SMYD3: variants seen among roughly 807,000 people sequenced by gnomAD.
SMYD3 encodes the protein SET and MYND domain containing 3.
Under a neutral mutation model 57.7 loss-of-function variants are expected in SMYD3, and 36 were observed. That is an observed-to-expected ratio of 0.62 (90% confidence interval 0.48 to 0.82). SMYD3 has a LOEUF of 0.82. Among genes scored for constraint, SMYD3 ranks in the 40% least tolerant of loss-of-function variants. The pLI is 0.00. For missense variants in SMYD3, 515 were observed against 538.8 expected (o/e 0.96, Z 0.44); for synonymous variants, 211 against 195.0 (o/e 1.08, Z -0.68).
chr1:246,170,040 C>A (rs1434817203), intron 5 of SMYD3, among the ~76,000 whole-genome samples: 1 of 151,988 alleles, frequency 6.6e-6, no homozygotes, highest in African/African-American at 2.4e-5. Context: ...AATTCTGAGT[C>A]TGCATCGTTC....
chr1:246,481,593 C>CATATATATATATATAT (rs1200097586), intron 1 of SMYD3, among the ~76,000 whole-genome samples: 1,795 of 27,876 alleles, frequency 0.064, 240 homozygotes, highest in Middle Eastern at 0.12. Flanking sequence ...TCTCAGGCTC[C>CATATATATATATATAT]ATATATATAT....
intron 5 of SMYD3, among the ~76,000 whole-genome samples, chr1:246,218,464 A>C (rs1267195303): frequency 1.3e-5 from 2 of 152,154 alleles, no homozygotes; most frequent in African/African-American, 2.4e-5. Flanking sequence ...TCTACTAAAA[A>C]TACAAAAAAT....
chr1:246,487,730 T>C (rs1216229295), intron 1 of SMYD3, among the ~76,000 whole-genome samples: 1 of 151,554 alleles, frequency 6.6e-6, no homozygotes, highest in Non-Finnish European at 1.5e-5. Context: ...GTTTCACTCT[T>C]GTTGCCCAGG....
intron 1 of SMYD3, among the ~76,000 whole-genome samples, chr1:246,445,562 A>G (rs1297241976): frequency 2.0e-5 from 3 of 152,226 alleles, no homozygotes; most frequent in Admixed American, 1.3e-4. Context: ...GAATTTCTAA[A>G]TGCATTTAAG....
At chr1:245,782,933 C>G (rs909494121) in intron 10 of SMYD3, among the ~76,000 whole-genome samples, 7 of 152,200 alleles carry the variant, frequency 4.6e-5, no homozygotes, top group Admixed American at 6.5e-5. Context: ...GGACCCTTCA[C>G]ACTGTCAGAA....
intron 8 of SMYD3, among the ~76,000 whole-genome samples, chr1:245,864,124 C>T (rs182710413): frequency 3.6e-4 from 55 of 152,252 alleles, no homozygotes; most frequent in Non-Finnish European, 6.3e-4. Flanking sequence ...TGCAGAGAAA[C>T]GGAAACCCTC....
chr1:246,460,306 G>C (rs1439313783), intron 1 of SMYD3, among the ~76,000 whole-genome samples: 2 of 152,148 alleles, frequency 1.3e-5, no homozygotes. Flanking sequence ...ACCTGCTCTA[G>C]CACTTAGTAA....
intron 5 of SMYD3, among the ~76,000 whole-genome samples, chr1:246,000,105 A>G (rs1489401513): frequency 2.0e-5 from 3 of 152,232 alleles, no homozygotes; most frequent in Non-Finnish European, 4.4e-5. Context: ...TCTCTTGCCT[A>G]GTTTCTCAGA....
rs550080571 is a variant in SMYD3 at position 246,271,155 on chromosome 1, T to C, written c.531+56046A>G. Among the ~76,000 whole-genome samples, 6 of 152,306 alleles carry C rather than the reference T, an allele frequency of 3.9e-5. No homozygotes were observed. In the East Asian group the frequency reaches 1.2e-3, roughly 29 times the overall value. On this transcript the variant is annotated intron_variant, in intron 5 of 11. Coordinates refer to ENST00000490107, the MANE Select transcript of SMYD3 (RefSeq NM_001167740.2). ...GTCCTTTGCCCATTTTAAAATCATG[T>C]TGCTTTTCTATTGTTGAGTTCTTAA...
Position 246,424,025 on chromosome 1 carries a change from G to A in SMYD3, c.165-68931C>T, listed in dbSNP as rs575248346. On this transcript the variant is annotated intron_variant, in intron 1 of 11. Coordinates refer to ENST00000490107, the MANE Select transcript of SMYD3 (RefSeq NM_001167740.2). Reference sequence around the variant, plus strand: ...CAAATGCAAGAAGAATTGGGTACCAGCAGACCTAAAGCTAGAAATTTTTAA... The same window carrying A: ...CAAATGCAAGAAGAATTGGGTACCAACAGACCTAAAGCTAGAAATTTTTAA... Among the ~76,000 whole-genome samples, 103 of 152,294 alleles carry A rather than the reference G, an allele frequency of 6.8e-4. 1 individual carries two copies. The highest frequency in any genetic ancestry group is 2.5e-3 in the African/African-American group (102 of 41,568).
chr1:246,207,191 G>C (rs1240705878), intron 5 of SMYD3, among the ~76,000 whole-genome samples: 1 of 152,096 alleles, frequency 6.6e-6, no homozygotes, highest in Non-Finnish European at 1.5e-5. Flanking sequence ...TCTATGAATA[G>C]GCTGTACCAC....
chr1:246,347,932 C>T (rs1228317709), intron 2 of SMYD3, among the ~76,000 whole-genome samples: 1 of 151,530 alleles, frequency 6.6e-6, no homozygotes, highest in African/African-American at 2.4e-5. Flanking sequence ...GGTATATACC[C>T]AAAGGAAGAT....
chr1:246,034,300 C>T (rs10924456), intron 5 of SMYD3, among the ~76,000 whole-genome samples: 69,559 of 151,952 alleles, frequency 0.46, 18,037 homozygotes, highest in East Asian at 0.96. Flanking sequence ...TATTATTTCA[C>T]GCTAAATAAC....
chr1:246,335,266 C>A, intron 3 of SMYD3, 101 bp downstream of exon 3: 2 of 1,060,778 alleles, frequency 1.9e-6, no homozygotes, highest in Non-Finnish European at 2.8e-6. Flanking sequence ...TTGTGGTAGT[C>A]TGAAACTGAA....
At chr1:245,851,443 T>C (rs1422787781) in intron 10 of SMYD3, among the ~76,000 whole-genome samples, 2 of 152,190 alleles carry the variant, frequency 1.3e-5, no homozygotes, top group Non-Finnish European at 2.9e-5. Flanking sequence ...GAGAATCAGG[T>C]AGAGAAGATG....
At chr1:246,465,514 G>C (rs1415796789) in intron 1 of SMYD3, among the ~76,000 whole-genome samples, 2 of 152,142 alleles carry the variant, frequency 1.3e-5, no homozygotes, top group African/African-American at 4.8e-5. Context: ...GAAGGAAGTT[G>C]AAAAGTTCAG....
intron 5 of SMYD3, among the ~76,000 whole-genome samples, chr1:246,277,471 C>CA (rs2064356852): frequency 6.6e-6 from 1 of 152,140 alleles, no homozygotes; most frequent in African/African-American, 2.4e-5. Flanking sequence ...CCACCACCAC[C>CA]ACCACCAACA....
chr1:246,356,860 G>C (rs1463471388), intron 1 of SMYD3, among the ~76,000 whole-genome samples: 1 of 152,180 alleles, frequency 6.6e-6, no homozygotes, highest in African/African-American at 2.4e-5. Flanking sequence ...CTAAAAGTTT[G>C]GAAACATTAT....
Position 245,936,728 on chromosome 1 carries a change from C to T in SMYD3, c.532-6791G>A, listed in dbSNP as rs77526388. On this transcript the variant is annotated intron_variant, in intron 5 of 11. Coordinates refer to ENST00000490107, the MANE Select transcript of SMYD3 (RefSeq NM_001167740.2). The stretch of plus-strand genomic sequence containing the variant: ...TGGGCAACATGGCAAAACCTCGCCA[C>T]TATAAAAAATACAAAAATTAGCTGG... Among the ~76,000 whole-genome samples the T allele has an allele frequency of 1.1e-3, 160 of 148,934 alleles. 1 individual carries two copies. The East Asian group carries it at 0.026, about 25-fold the overall frequency.
Sources: allele counts gnomAD v4.1 joint callset (sites outside exome capture counted in the v4.1 genomes callset), GRCh38; gene constraint gnomAD v4.1.1; transcripts MANE v1.5; gene names NCBI Gene and HGNC (gene_info 2026-07-23, HGNC 2026-07-21).